TAFA2: variants seen among roughly 807,000 people sequenced by gnomAD.
The protein encoded by TAFA2 is chemokine-like protein TAFA-2.
Under a neutral mutation model 18.8 loss-of-function variants are expected in TAFA2, and 7 were observed. The observed-to-expected ratio is 0.37, with a 90% CI of 0.21 to 0.70. The LOEUF (loss-of-function observed/expected upper bound fraction) is 0.70, where lower values mean the gene tolerates loss of function less well. TAFA2 is among the 30% of genes least tolerant of loss of function. The pLI is 0.53. For missense variants in TAFA2, 122 were observed against 158.1 expected (o/e 0.77, Z 1.23); for synonymous variants, 60 against 54.2 (o/e 1.11, Z -0.47).
chr12:62,036,067 C>T (rs117617319), intron 1 of TAFA2, among the ~76,000 whole-genome samples: 5,138 of 152,090 alleles, frequency 0.034, 107 homozygotes, highest in Non-Finnish European at 0.052. Context: ...GTGACCTGTC[C>T]TGAATACTGT....
At chr12:61,989,248 G>A (rs1289472166) in intron 1 of TAFA2, among the ~76,000 whole-genome samples, 1 of 152,080 alleles carries the variant, frequency 6.6e-6, no homozygotes, top group East Asian at 1.9e-4. Flanking sequence ...TCACCAAGAT[G>A]TAGAAAAATG....
chr12:61,952,372 T>C (rs1362637607), intron 1 of TAFA2, among the ~76,000 whole-genome samples: 1 of 152,194 alleles, frequency 6.6e-6, no homozygotes, highest in African/African-American at 2.4e-5. Context: ...ACTGAAGGTT[T>C]ATATCAAACT....
chr12:61,977,551 A>C (rs2136672853), intron 1 of TAFA2, among the ~76,000 whole-genome samples: 1 of 152,050 alleles, frequency 6.6e-6, no homozygotes, highest in South Asian at 2.1e-4. Context: ...TTTGACTGAA[A>C]CCTCTTCTTT....
At chr12:61,954,930 T>G (rs560209510) in intron 1 of TAFA2, among the ~76,000 whole-genome samples, 1 of 152,260 alleles carries the variant, frequency 6.6e-6, no homozygotes, top group East Asian at 1.9e-4. Context: ...CAGAAAAGAT[T>G]TATTAACCTG....
rs2120527728 is a variant in TAFA2 at position 61,710,080 on chromosome 12, A to G, written c.*326T>C. The G allele has an allele frequency of 3.1e-6, 1 of 320,188 alleles. No individual in the cohort carries two copies. Among genetic ancestry groups the G allele is most frequent in the Non-Finnish European group, 5.8e-6 (1 of 173,570 alleles). 19.8% of individuals were successfully genotyped at this position (320,188 alleles called of 1,614,324 possible). A position where few individuals can be genotyped will look rare whatever the true frequency, so the allele number is the denominator to read the frequency against. On this transcript the variant is annotated 3_prime_UTR_variant, in exon 5 of 5. Transcript: ENST00000416284. ...AAGAAAAGTAGTCACATCTGGAGCCAATAACTCAAAAGGTGACTGTCTCTA... is the reference window on the plus strand; with the variant it reads ...AAGAAAAGTAGTCACATCTGGAGCCGATAACTCAAAAGGTGACTGTCTCTA...
At chr12:61,710,970 G>A (rs1430097191) in intron 4 of TAFA2, among the ~76,000 whole-genome samples, 2 of 151,638 alleles carry the variant, frequency 1.3e-5, no homozygotes, top group Non-Finnish European at 2.9e-5. Context: ...CTGTTTATGG[G>A]GGACAAAAAT....
At chr12:61,855,993 G>A (rs1386888540) in intron 2 of TAFA2, among the ~76,000 whole-genome samples, 1 of 152,012 alleles carries the variant, frequency 6.6e-6, no homozygotes, top group Non-Finnish European at 1.5e-5. Flanking sequence ...AATATTAAAA[G>A]ACACAAAGAC....
intron 4 of TAFA2, among the ~76,000 whole-genome samples, chr12:61,751,115 T>C (rs1461776320): frequency 6.6e-6 from 1 of 152,104 alleles, no homozygotes; most frequent in African/African-American, 2.4e-5. Flanking sequence ...ATTTCCTCTA[T>C]CCAACACTTC....
intron 1 of TAFA2, among the ~76,000 whole-genome samples, chr12:62,200,075 A>G (rs1056362978): frequency 1.6e-4 from 24 of 152,090 alleles, no homozygotes; most frequent in Non-Finnish European, 4.4e-5. Flanking sequence ...TCTCTGTTCA[A>G]GTCCTTTGCC....
chr12:61,817,868 A>G (rs1228221630), intron 2 of TAFA2, among the ~76,000 whole-genome samples: 1 of 152,014 alleles, frequency 6.6e-6, no homozygotes, highest in Non-Finnish European at 1.5e-5. Context: ...TTTTTTCCCC[A>G]AGTGCTCCAA....
At position 62,092,438 on chromosome 12, in the gene TAFA2, T is replaced by C. The variant is rs150351820; in HGVS notation, c.-2+98821A>G. Among the ~76,000 whole-genome samples the C allele has an allele frequency of 5.8e-3, 889 of 152,074 alleles. 4 individuals carry two copies. Among genetic ancestry groups the C allele is most frequent in the Non-Finnish European group, 9.5e-3 (642 of 67,904 alleles). ...GCTTTGCTCCTGCCAAAACCATTCCTATCAGGGTCACAAATGACCCTCCAG... is the reference window on the plus strand; with the variant it reads ...GCTTTGCTCCTGCCAAAACCATTCCCATCAGGGTCACAAATGACCCTCCAG... On this transcript the variant is annotated intron_variant, in intron 1 of 4. Transcript: ENST00000416284.
intron 1 of TAFA2, among the ~76,000 whole-genome samples, chr12:62,160,702 A>T (rs2062400786): frequency 6.6e-6 from 1 of 152,152 alleles, no homozygotes; most frequent in Admixed American, 6.5e-5. Context: ...TAGAGTTTAC[A>T]CGTTCTCCCC....
intron 2 of TAFA2, among the ~76,000 whole-genome samples, chr12:61,866,142 A>G (rs931802275): frequency 2.1e-5 from 3 of 146,212 alleles, no homozygotes. Flanking sequence ...ATATATGAAT[A>G]TATATATTCA....
At position 61,708,655 on chromosome 12, in the gene TAFA2, A is replaced by G. The variant is rs1869254172; in HGVS notation, c.*1751T>C. 1 of 152,152 alleles carries G rather than the reference A, an allele frequency of 6.6e-6. No homozygotes were observed. The highest frequency in any genetic ancestry group is 2.1e-4 in the South Asian group (1 of 4,836). The allele number at this position is 152,152 out of a possible 1,614,324, so 9.4% of individuals were successfully genotyped here. A position where few individuals can be genotyped will look rare whatever the true frequency, so the allele number is the denominator to read the frequency against. On this transcript the variant is annotated 3_prime_UTR_variant, in exon 5 of 5. Transcript: ENST00000416284. The stretch of plus-strand genomic sequence containing the variant: ...CAAAGCCATCTAATTCATTTTATGC[A>G]TGATTAAAATGGAGGCAGAAAGCCA...
At chr12:62,011,672 T>C (rs541726690) in intron 1 of TAFA2, among the ~76,000 whole-genome samples, 4 of 151,640 alleles carry the variant, frequency 2.6e-5, no homozygotes, top group African/African-American at 7.3e-5. Context: ...GTTTATCTGC[T>C]GACCTTCTCT....
At position 61,867,564 on chromosome 12, in the gene TAFA2, C is replaced by T; in HGVS notation, c.-1-138G>A. The T allele has an allele frequency of 6.8e-6, 4 of 592,590 alleles. No individual in the cohort carries two copies. In the South Asian group the frequency reaches 8.5e-5, roughly 13 times the overall value. 36.7% of individuals were successfully genotyped at this position (592,590 alleles called of 1,614,324 possible). ...AACTGTATTTCTTGTATTTAAAATG[C>T]TGTTCACTGTATACAAACGATGATC... is the stretch of plus-strand genomic sequence containing the variant. On this transcript the variant is annotated intron_variant, in intron 1 of 4. Transcript: ENST00000416284.
intron 1 of TAFA2, among the ~76,000 whole-genome samples, chr12:62,059,651 T>C (rs1000538127): frequency 6.6e-6 from 1 of 152,172 alleles, no homozygotes; most frequent in African/African-American, 2.4e-5. Context: ...TGTGGCCACC[T>C]GAAGAAAAGT....
chr12:62,021,776 A>C, intron 1 of TAFA2: 2 of 1,060,840 alleles, frequency 1.9e-6, no homozygotes, highest in Non-Finnish European at 1.5e-6. Context: ...TGAGCAACAC[A>C]TGGCACATGG....
intron 2 of TAFA2, among the ~76,000 whole-genome samples, chr12:61,782,160 C>T (rs1870533586): frequency 6.6e-6 from 1 of 151,656 alleles, no homozygotes; most frequent in Non-Finnish European, 1.5e-5. Context: ...GGCCCCTCCT[C>T]ACAGCTGAGC....
Sources: allele counts gnomAD v4.1 joint callset (sites outside exome capture counted in the v4.1 genomes callset), GRCh38; gene constraint gnomAD v4.1.1; transcripts MANE v1.5; gene names NCBI Gene and HGNC (gene_info 2026-07-23, HGNC 2026-07-21).